Variants in OCA2 observed in about 807,000 individuals in gnomAD.
OCA2 encodes P protein.
Under a neutral mutation model 100.2 loss-of-function variants are expected in OCA2, and 77 were observed. The ratio of observed to expected loss-of-function variants is 0.77; its 90% CI spans 0.64 to 0.93. The LOEUF is 0.93. Among genes scored for constraint, OCA2 ranks in the 40% least tolerant of loss-of-function variants. The pLI, the probability that OCA2 is intolerant of heterozygous loss-of-function variation, is 0.00. For synonymous variants in OCA2, 432 were observed against 439.2 expected, an observed-to-expected ratio of 0.98 and a Z score of 0.21; for missense variants, 1,062 against 1,089.1, an observed-to-expected ratio of 0.98 and a Z score of 0.35.
intron 23 of OCA2, among the ~76,000 whole-genome samples, chr15:27,801,259 G>A (rs2033591801): frequency 6.6e-6 from 1 of 152,092 alleles, no homozygotes; most frequent in Admixed American, 6.5e-5. Flanking sequence ...TCTAATCCAA[G>A]AATATATTAG....
chr15:27,968,986 CAAAA>C (rs61334149), intron 14 of OCA2, among the ~76,000 whole-genome samples: 3 of 98,128 alleles, frequency 3.1e-5, no homozygotes, highest in Admixed American at 9.9e-5. Context: ...AACTCAGAGG[CAAAA>C]AAAAAAAAAA....
the OCA2 span, among the ~76,000 whole-genome samples, chr15:27,747,138 G>T: frequency 1.3e-5 from 2 of 152,060 alleles, no homozygotes; most frequent in South Asian, 4.1e-4. Context: ...AGCACCTCCA[G>T]CCCCCCACCA....
chr15:27,971,042 T>C (rs985331005), intron 14 of OCA2, among the ~76,000 whole-genome samples: 4 of 146,442 alleles, frequency 2.7e-5, no homozygotes, highest in East Asian at 2.1e-4. Context: ...ATAATTATAA[T>C]GTCCCAGCAA....
At chr15:28,096,170 T>C (rs1159297143) in intron 1 of OCA2, among the ~76,000 whole-genome samples, 2 of 142,676 alleles carry the variant, frequency 1.4e-5, no homozygotes, top group African/African-American at 5.4e-5. Flanking sequence ...CTCGGGGGCG[T>C]GGCTTGTCTC....
intron 19 of OCA2, among the ~76,000 whole-genome samples, chr15:27,886,629 G>A (rs573407364): frequency 5.9e-5 from 9 of 152,154 alleles, no homozygotes; most frequent in East Asian, 1.9e-4. Flanking sequence ...ACAATATAGC[G>A]AATATAAGGC....
intron 4 of OCA2, among the ~76,000 whole-genome samples, chr15:28,025,970 G>A (rs945933050): frequency 2.6e-5 from 4 of 152,114 alleles, no homozygotes; most frequent in East Asian, 1.9e-4. Flanking sequence ...ATCAGTTCAC[G>A]CTTCCCAATT....
rs951839045 is a variant in OCA2 at position 28,042,384 on chromosome 15, T to C, written c.228-10221A>G. 4.6e-5 allele frequency among the ~76,000 whole-genome samples: 7 copies of C among 150,978 alleles called. No individual in the cohort carries two copies. In the East Asian group the frequency reaches 5.9e-4, roughly 13 times the overall value. ...GCTCACGCCTGTAATCCCAGCACTT[T>C]GGGAGGCCAAGGTGGGTGGATCACT... is the stretch of plus-strand genomic sequence containing the variant. On this transcript the variant is annotated intron_variant, in intron 2 of 23. Transcript: ENST00000354638.
At chr15:27,991,353 A>G in intron 9 of OCA2, among the ~76,000 whole-genome samples, 1 of 152,246 alleles carries the variant, frequency 6.6e-6, no homozygotes, top group South Asian at 2.1e-4. Context: ...ACAACATTAT[A>G]CAAAGGAGGC....
intron 17 of OCA2, among the ~76,000 whole-genome samples, chr15:27,952,539 G>A (rs1234191540): frequency 2.0e-5 from 3 of 152,236 alleles, no homozygotes; most frequent in Admixed American, 6.5e-5. Context: ...AGGGAAGCAC[G>A]CACAGATGGG....
intron 18 of OCA2, among the ~76,000 whole-genome samples, chr15:27,946,917 T>C (rs7175733): frequency 0.62 from 94,091 of 152,086 alleles, 32,221 homozygotes; most frequent in Non-Finnish European, 0.79. Context: ...GTCCTACAAC[T>C]CCCATTCCAG....
At chr15:28,029,389 C>A (rs1324768018) in intron 3 of OCA2, among the ~76,000 whole-genome samples, 1 of 151,984 alleles carries the variant, frequency 6.6e-6, no homozygotes, top group Non-Finnish European at 1.5e-5. Flanking sequence ...GAAAAAAACA[C>A]AACTGTAACA....
chr15:28,054,772 T>G (rs990765617), intron 2 of OCA2, among the ~76,000 whole-genome samples: 1 of 152,170 alleles, frequency 6.6e-6, no homozygotes, highest in Admixed American at 6.5e-5. Flanking sequence ...AGACACTGGG[T>G]AATTTATAAA....
intron 11 of OCA2, among the ~76,000 whole-genome samples, chr15:27,988,652 T>A (rs2041441137): frequency 6.6e-6 from 1 of 152,224 alleles, no homozygotes. Flanking sequence ...CGGTCTGTGG[T>A]ACTTTGTTAC....
intron 18 of OCA2, among the ~76,000 whole-genome samples, chr15:27,948,148 G>C (rs955697259): frequency 6.6e-6 from 1 of 152,130 alleles, no homozygotes; most frequent in Non-Finnish European, 1.5e-5. Flanking sequence ...GAGGACAGAC[G>C]AGGAAAGAAA....
chr15:27,753,522 A>G (rs557653362), downstream of OCA2, among the ~76,000 whole-genome samples: 1 of 152,238 alleles, frequency 6.6e-6, no homozygotes, highest in Non-Finnish European at 1.5e-5. Context: ...TCACGAGGTC[A>G]GGAGATCGAG....
rs539400983 is a variant in OCA2, at chr15:27,771,261, C to T, written c.2433-15789G>A. ...CTCCTGCTCACAGCAAATCGCCCCA[C>T]TCTCCACCGCGGTCCCGCCAAGGTC... On this transcript the variant is annotated intron_variant, in intron 23 of 23. Coordinates refer to ENST00000354638, the MANE Select transcript of OCA2 (RefSeq NM_000275.3). 2.3e-4 allele frequency among the ~76,000 whole-genome samples: 35 copies of T among 152,148 alleles called. 1 individual carries two copies. In the South Asian group the frequency reaches 6.6e-3, roughly 29 times the overall value.
intron 23 of OCA2, among the ~76,000 whole-genome samples, chr15:27,832,891 C>T (rs1488158713): frequency 6.8e-6 from 1 of 147,430 alleles, no homozygotes; most frequent in Non-Finnish European, 1.5e-5. Context: ...CGGGTCACTG[C>T]ACCCTCTGTT....
At chr15:27,843,521 A>T (rs72710540) in intron 23 of OCA2, among the ~76,000 whole-genome samples, 7,532 of 152,292 alleles carry the variant, frequency 0.049, 241 homozygotes, top group African/African-American at 0.082. Flanking sequence ...TGCTCAGCAG[A>T]GGCAGATGAG....
chr15:27,768,520 T>G (rs1403320886), intron 23 of OCA2, among the ~76,000 whole-genome samples: 1 of 152,202 alleles, frequency 6.6e-6, no homozygotes, highest in African/African-American at 2.4e-5. Flanking sequence ...TATTCTAATG[T>G]AAATTCTCGG....
Sources: allele counts gnomAD v4.1 joint callset (sites outside exome capture counted in the v4.1 genomes callset), GRCh38; gene constraint gnomAD v4.1.1; transcripts MANE v1.5; gene names NCBI Gene and HGNC (gene_info 2026-07-23, HGNC 2026-07-21).